The following WNK2 variants were observed in gnomAD, a reference collection of about 807,000 sequenced individuals.
WNK2 encodes the protein WNK lysine deficient protein kinase 2, also known as serine/threonine-protein kinase WNK2.
WNK2 carries 67 observed loss-of-function variants against 192.1 expected under a neutral mutation model. The ratio of observed to expected loss-of-function variants is 0.35; its 90% CI spans 0.29 to 0.43. The LOEUF (loss-of-function observed/expected upper bound fraction) is 0.43, where lower values mean the gene tolerates loss of function less well. WNK2 is among the 20% of genes least tolerant of loss of function. The pLI is 1.00. For synonymous variants in WNK2, 1,439 were observed against 1,393.9 expected, an observed-to-expected ratio of 1.03 and a Z score of -0.72; for missense variants, 2,698 against 3,089.7, an observed-to-expected ratio of 0.87 and a Z score of 3.01.
Position 93,193,073 on chromosome 9 carries a change from T to C in WNK2, c.681+7463T>C, listed in dbSNP as rs563385615. Among the ~76,000 whole-genome samples the C allele has an allele frequency of 1.4e-4, 21 of 152,300 alleles. No individual in the cohort carries two copies. The South Asian group carries it at 3.7e-3, about 27-fold the overall frequency. ...TTTGGGCCGTGTGTCTGGGTCTCCC[T>C]TGTGGTCCGTCCTGGCTGTGCAGCC... is the stretch of plus-strand genomic sequence containing the variant. On this transcript the variant is annotated intron_variant, in intron 2 of 29. Transcript: ENST00000427277.
At chr9:93,191,254 A>T (rs948890661) in intron 2 of WNK2, among the ~76,000 whole-genome samples, 1 of 152,100 alleles carries the variant, frequency 6.6e-6, no homozygotes, top group South Asian at 2.1e-4. Flanking sequence ...TTATTGATGG[A>T]CAGCTAGCCA....
chr9:93,265,073 T>G (rs1031701129), intron 16 of WNK2, among the ~76,000 whole-genome samples: 2 of 152,214 alleles, frequency 1.3e-5, no homozygotes, highest in African/African-American at 4.8e-5. Context: ...AGAGACACCT[T>G]GGACAAAGCC....
intron 28 of WNK2, chr9:93,315,792 T>C (rs1297387891): frequency 1.1e-4 from 1 of 9,010 alleles, no homozygotes; most frequent in Non-Finnish European, 3.0e-4. Context: ...CTTGTGTGTG[T>C]GTGTGTGTGT....
chr9:93,315,729 G>A (rs910910335), intron 28 of WNK2: 1 of 151,626 alleles, frequency 6.6e-6, no homozygotes, highest in African/African-American at 2.4e-5. Flanking sequence ...TTTTTTGAAA[G>A]TCATGCATAG....
intron 2 of WNK2, among the ~76,000 whole-genome samples, chr9:93,204,469 C>T (rs1386471035): frequency 1.3e-5 from 2 of 152,158 alleles, no homozygotes; most frequent in African/African-American, 4.8e-5. Flanking sequence ...GCTGTGGGCC[C>T]CAGGAGGACT....
chr9:93,318,946 T>C (rs1219409317), intron 29 of WNK2: 14 of 1,428,004 alleles, frequency 9.8e-6, no homozygotes, highest in Non-Finnish European at 1.3e-5. Context: ...TTATTTTGGT[T>C]CAAATCTATT....
At chr9:93,233,924 T>C (rs1293342945) in intron 4 of WNK2, among the ~76,000 whole-genome samples, 1 of 152,224 alleles carries the variant, frequency 6.6e-6, no homozygotes, top group Non-Finnish European at 1.5e-5. Context: ...ACCGGACTTA[T>C]TTTATTAAAA....
intron 7 of WNK2, among the ~76,000 whole-genome samples, chr9:93,242,796 C>T (rs995837736): frequency 6.6e-6 from 1 of 152,212 alleles, no homozygotes; most frequent in Non-Finnish European, 1.5e-5. Flanking sequence ...GCTGTGCTGG[C>T]TCTGACCTTG....
At chr9:93,260,544 G>A (rs917682660) in intron 12 of WNK2, among the ~76,000 whole-genome samples, 1 of 152,134 alleles carries the variant, frequency 6.6e-6, no homozygotes, top group Admixed American at 6.5e-5. Flanking sequence ...GGGGCCTGGG[G>A]TGGAGCATCC....
chr9:93,299,821 C>T (rs914397418), intron 25 of WNK2, among the ~76,000 whole-genome samples: 8 of 148,698 alleles, frequency 5.4e-5, no homozygotes, highest in African/African-American at 1.7e-4. Context: ...GAAGCCGCCC[C>T]GCCCCGCCCA....
intron 2 of WNK2, among the ~76,000 whole-genome samples, chr9:93,207,327 C>T (rs763351036): frequency 5.3e-5 from 8 of 152,184 alleles, no homozygotes; most frequent in Non-Finnish European, 1.2e-4. Context: ...GTGGGTTTGA[C>T]CTGCCCCAGA....
At chr9:93,299,029 GGC>G (rs1564204605) in intron 24 of WNK2, 39 bp from the exon 25 acceptor site, 4 of 1,580,778 alleles carry the variant, frequency 2.5e-6, no homozygotes, top group Admixed American at 1.7e-5. Context: ...CCGACCCGGC[GGC>G]GCCTCATCGT....
intron 2 of WNK2, among the ~76,000 whole-genome samples, chr9:93,201,902 A>G (rs1398958471): frequency 6.6e-6 from 1 of 152,174 alleles, no homozygotes; most frequent in Non-Finnish European, 1.5e-5. Context: ...GGTTTCAGGC[A>G]GGCCCTTTGT....
At chr9:93,285,042 A>G (rs1848254146) in intron 19 of WNK2, among the ~76,000 whole-genome samples, 1 of 152,238 alleles carries the variant, frequency 6.6e-6, no homozygotes, top group African/African-American at 2.4e-5. Context: ...ATAATGTTAC[A>G]TAAAAGGTAA....
At chr9:93,199,714 C>T (rs896608368) in intron 2 of WNK2, among the ~76,000 whole-genome samples, 2 of 151,722 alleles carry the variant, frequency 1.3e-5, no homozygotes, top group South Asian at 4.2e-4. Flanking sequence ...CTGGCTAACT[C>T]GGTGAAACCC....
At chr9:93,204,351 G>T (rs1433439304) in intron 2 of WNK2, among the ~76,000 whole-genome samples, 1 of 152,208 alleles carries the variant, frequency 6.6e-6, no homozygotes, top group East Asian at 1.9e-4. Flanking sequence ...ATGGAATGGA[G>T]AAAGTATATT....
rs762379413 is a variant in WNK2, at chr9:93,297,902, G to A, written c.5758G>A (p.Glu1920Lys). ...GCAGAGCCAGCAGAAGCAGGAGATC[G>A]AAGCTCTGTACCGCCGCCTGGGCAA... ...ELQSQQKQEI[E>K]ALYRRLGKPL... is the part of the protein sequence containing the mutation. Residue 1920 changes from glutamate (E) to lysine (K), a missense_variant, in exon 24 of 30, where the codon GAA (glutamate) becomes AAA (lysine). Transcript: ENST00000427277. 31 of 1,593,632 alleles carry A rather than the reference G, an allele frequency of 1.9e-5. No individual in the cohort carries two copies. The highest frequency in any genetic ancestry group is 1.2e-4 in the African/African-American group (9 of 74,446).
chr9:93,185,849 G>A (rs1778034013), intron 2 of WNK2, among the ~76,000 whole-genome samples: 1 of 152,222 alleles, frequency 6.6e-6, no homozygotes, highest in Non-Finnish European at 1.5e-5. Context: ...GCGAGGGCAG[G>A]CCTCTGTTGT....
intron 7 of WNK2, among the ~76,000 whole-genome samples, chr9:93,242,486 C>T (rs1056139748): frequency 1.3e-5 from 2 of 152,224 alleles, no homozygotes; most frequent in African/African-American, 2.4e-5. Flanking sequence ...AGATAATTAC[C>T]AGCACATCTG....
Sources: allele counts gnomAD v4.1 joint callset (sites outside exome capture counted in the v4.1 genomes callset), GRCh38; gene constraint gnomAD v4.1.1; transcripts MANE v1.5; gene names NCBI Gene and HGNC (gene_info 2026-07-23, HGNC 2026-07-21).